Variants in SCHIP1 observed in about 807,000 individuals in gnomAD.
The protein encoded by SCHIP1 is schwannomin-interacting protein 1.
A neutral mutation model predicts 29.7 loss-of-function variants in SCHIP1; 8 were observed. That is an observed-to-expected ratio of 0.27 (90% confidence interval 0.16 to 0.49). The LOEUF (loss-of-function observed/expected upper bound fraction) is 0.49. Among genes scored for constraint, SCHIP1 ranks in the 20% least tolerant of loss-of-function variants. SCHIP1 has a pLI of 0.99. For missense variants in SCHIP1, 193 were observed against 294.6 expected, an observed-to-expected ratio of 0.66 and a Z score of 2.52; for synonymous variants, 76 against 94.9, an observed-to-expected ratio of 0.80 and a Z score of 1.16.
chr3:159,574,441 T>C, the SCHIP1 span, among the ~76,000 whole-genome samples: 1 of 152,330 alleles, frequency 6.6e-6, no homozygotes, highest in Non-Finnish European at 1.5e-5. Context: ...CAGCAGAGGC[T>C]TCAGAACAGC....
the SCHIP1 span, among the ~76,000 whole-genome samples, chr3:159,799,431 C>T: frequency 1.3e-5 from 2 of 152,222 alleles, no homozygotes; most frequent in African/African-American, 4.8e-5. Context: ...GGCACTGAAC[C>T]TGGCACACAA....
At chr3:159,484,034 T>G in the SCHIP1 span, among the ~76,000 whole-genome samples, 1 of 152,182 alleles carries the variant, frequency 6.6e-6, no homozygotes, top group Non-Finnish European at 1.5e-5. Context: ...CAGACCACAG[T>G]GCAAACTAAG....
At chr3:159,800,209 A>G in the SCHIP1 span, among the ~76,000 whole-genome samples, 201 of 152,354 alleles carry the variant, frequency 1.3e-3, no homozygotes, top group African/African-American at 4.7e-3. Context: ...CAAAACACAG[A>G]TAACACTCTG....
chr3:159,889,043 G>T, intron 5 of SCHIP1, 100 bp downstream of exon 6: 1 of 1,415,048 alleles, frequency 7.1e-7, no homozygotes, highest in Non-Finnish European at 9.4e-7. Context: ...ATTTCATTGG[G>T]TTCCTGTGTG....
chr3:159,703,291 A>G, the SCHIP1 span, among the ~76,000 whole-genome samples: 1 of 152,214 alleles, frequency 6.6e-6, no homozygotes, highest in Non-Finnish European at 1.5e-5. Flanking sequence ...CATTGAAGAA[A>G]ATTGTTTTTC....
the SCHIP1 span, among the ~76,000 whole-genome samples, chr3:159,385,259 A>G: frequency 6.6e-6 from 1 of 152,202 alleles, no homozygotes; most frequent in South Asian, 2.1e-4. Flanking sequence ...ATCTTGCATA[A>G]TAAACAACAG....
the SCHIP1 span, among the ~76,000 whole-genome samples, chr3:159,596,229 C>T: frequency 6.6e-6 from 1 of 152,154 alleles, no homozygotes; most frequent in Non-Finnish European, 1.5e-5. Flanking sequence ...CAGAGAAATG[C>T]ATATCAAAAC....
At chr3:159,508,570 T>A in the SCHIP1 span, among the ~76,000 whole-genome samples, 1 of 152,228 alleles carries the variant, frequency 6.6e-6, no homozygotes, top group Non-Finnish European at 1.5e-5. Flanking sequence ...AGGGTGTCAA[T>A]TTTAGATCTT....
the SCHIP1 span, among the ~76,000 whole-genome samples, chr3:159,338,512 A>G: frequency 6.6e-6 from 1 of 152,038 alleles, no homozygotes; most frequent in African/African-American, 2.4e-5. Flanking sequence ...AGCCACTTTA[A>G]TGATTTTGGG....
At chr3:159,339,262 A>G in the SCHIP1 span, among the ~76,000 whole-genome samples, 1 of 152,038 alleles carries the variant, frequency 6.6e-6, no homozygotes, top group Non-Finnish European at 1.5e-5. Context: ...AATTAAAAAA[A>G]AAAAAAAAAA....
chr3:159,541,538 T>G, the SCHIP1 span, among the ~76,000 whole-genome samples: 1 of 151,962 alleles, frequency 6.6e-6, no homozygotes, highest in Non-Finnish European at 1.5e-5. Context: ...CTATTTCCCT[T>G]GTGGCTGATA....
chr3:159,514,273 A>G, the SCHIP1 span, among the ~76,000 whole-genome samples: 1 of 152,234 alleles, frequency 6.6e-6, no homozygotes, highest in Admixed American at 6.5e-5. Context: ...AACTGATGAT[A>G]CACTAAAATT....
At chr3:159,852,602 G>A (rs754084651) in intron 1 of SCHIP1, among the ~76,000 whole-genome samples, 4 of 152,050 alleles carry the variant, frequency 2.6e-5, no homozygotes, top group Non-Finnish European at 5.9e-5. Context: ...GAAAAAGCCC[G>A]CCACTGCTTG....
the SCHIP1 span, among the ~76,000 whole-genome samples, chr3:159,461,677 G>A: frequency 6.6e-6 from 1 of 151,418 alleles, no homozygotes; most frequent in South Asian, 2.1e-4. Context: ...CCTGGTTCAA[G>A]CAGTTCTCGG....
At chr3:159,811,167 A>T in the SCHIP1 span, among the ~76,000 whole-genome samples, 1 of 152,196 alleles carries the variant, frequency 6.6e-6, no homozygotes, top group Non-Finnish European at 1.5e-5. Flanking sequence ...TTAACTTACA[A>T]GTGATTTTTA....
chr3:159,405,097 C>T, the SCHIP1 span, among the ~76,000 whole-genome samples: 1 of 152,168 alleles, frequency 6.6e-6, no homozygotes, highest in African/African-American at 2.4e-5. Context: ...TCCCTTAATG[C>T]AGAGATGGCT....
the SCHIP1 span, among the ~76,000 whole-genome samples, chr3:159,632,429 C>T: frequency 6.6e-6 from 1 of 152,152 alleles, no homozygotes; most frequent in Non-Finnish European, 1.5e-5. Context: ...CTAGTTTCTT[C>T]CTGGGACTCC....
At chr3:159,466,559 G>A in the SCHIP1 span, among the ~76,000 whole-genome samples, 14 of 152,214 alleles carry the variant, frequency 9.2e-5, no homozygotes, top group South Asian at 6.2e-4. Context: ...TATTGCTACC[G>A]TGACAGATGA....
chr3:159,341,239 A>G, the SCHIP1 span, among the ~76,000 whole-genome samples: 2 of 151,944 alleles, frequency 1.3e-5, no homozygotes, highest in African/African-American at 2.4e-5. Flanking sequence ...TTACTGCCCT[A>G]TGCTCTCTGA....
Sources: allele counts gnomAD v4.1 joint callset (sites outside exome capture counted in the v4.1 genomes callset), GRCh38; gene constraint gnomAD v4.1.1; transcripts MANE v1.5; gene names NCBI Gene and HGNC (gene_info 2026-07-23, HGNC 2026-07-21).